The following SOX5 variants were observed in gnomAD, a reference collection of about 807,000 sequenced individuals.
SOX5 encodes the protein transcription factor SOX-5.
A neutral mutation model predicts 92.0 loss-of-function variants in SOX5; 9 were observed. The observed-to-expected ratio is 0.10, with a 90% confidence interval of 0.06 to 0.17. The LOEUF is 0.17. Among genes scored for constraint, SOX5 ranks in the 10% least tolerant of loss-of-function variants. The pLI is 1.00. For missense variants in SOX5, 642 were observed against 944.5 expected, an observed-to-expected ratio of 0.68 and a Z score of 4.20; for synonymous variants, 344 against 336.3, an observed-to-expected ratio of 1.02 and a Z score of -0.25.
intron 3 of SOX5, among the ~76,000 whole-genome samples, chr12:23,817,484 T>C (rs566397967): frequency 3.9e-5 from 6 of 152,284 alleles, no homozygotes; most frequent in African/African-American, 1.4e-4. Context: ...TAAGCAGAAA[T>C]GAATAGTTTG....
At chr12:24,327,277 A>AG (rs1490440127) in intron 2 of SOX5, among the ~76,000 whole-genome samples, 1 of 151,012 alleles carries the variant, frequency 6.6e-6, no homozygotes, top group African/African-American at 2.4e-5. Flanking sequence ...TCTTGTATTG[A>AG]GTTATCCCAG....
chr12:23,973,366 G>A (rs762465551), intron 4 of SOX5, among the ~76,000 whole-genome samples: 5 of 151,790 alleles, frequency 3.3e-5, no homozygotes, highest in East Asian at 1.9e-4. Flanking sequence ...TCACCATGCC[G>A]GTCAGGCTGG....
At chr12:24,559,261 C>G (rs1954107853) in intron 1 of SOX5, among the ~76,000 whole-genome samples, 1 of 152,162 alleles carries the variant, frequency 6.6e-6, no homozygotes, top group East Asian at 1.9e-4. Context: ...TTCCAGGTTA[C>G]TCTCAAAACT....
intron 3 of SOX5, among the ~76,000 whole-genome samples, chr12:24,260,678 G>C (rs1941960502): frequency 6.6e-6 from 1 of 152,088 alleles, no homozygotes; most frequent in Non-Finnish European, 1.5e-5. Context: ...GTTGTGAAGA[G>C]GTTTTCTGCA....
chr12:24,240,401 T>C (rs1965345750), intron 3 of SOX5, among the ~76,000 whole-genome samples: 2 of 152,204 alleles, frequency 1.3e-5, no homozygotes, highest in Non-Finnish European at 2.9e-5. Context: ...AAACCACATT[T>C]CCCAAAACAA....
intron 2 of SOX5, among the ~76,000 whole-genome samples, chr12:24,283,762 G>A (rs1447668070): frequency 6.6e-6 from 1 of 152,078 alleles, no homozygotes; most frequent in Non-Finnish European, 1.5e-5. Flanking sequence ...AAAAGCTTGG[G>A]TATGTTTTTT....
intron 6 of SOX5, among the ~76,000 whole-genome samples, chr12:23,720,756 C>A (rs760450329): frequency 9.2e-5 from 14 of 152,158 alleles, no homozygotes; most frequent in Non-Finnish European, 1.8e-4. Context: ...GTGTCATTTA[C>A]AATTTTTATA....
chr12:23,535,528 G>A (rs1940180321), intron 14 of SOX5, among the ~76,000 whole-genome samples: 1 of 152,180 alleles, frequency 6.6e-6, no homozygotes, highest in Non-Finnish European at 1.5e-5. Flanking sequence ...TGGTCCTATT[G>A]GAAAGGATGA....
At chr12:23,887,614 C>A (rs1220240722) in intron 2 of SOX5, among the ~76,000 whole-genome samples, 1 of 152,094 alleles carries the variant, frequency 6.6e-6, no homozygotes, top group Non-Finnish European at 1.5e-5. Context: ...AGTATTTCAT[C>A]ATTCTCTCCA....
intron 3 of SOX5, among the ~76,000 whole-genome samples, chr12:23,804,945 ATATATATATATATATATATATATT>A (rs1171620567): frequency 1.3e-4 from 4 of 30,004 alleles, no homozygotes; most frequent in Non-Finnish European, 2.4e-4. Context: ...ATATATATAT[ATATATATATATATATATATATATT>A]CCTTTAAAAA....
rs936103946 is a variant in SOX5 at position 23,533,048 on chromosome 12, A to C, written c.*1171T>G. 2.7e-6 allele frequency: 1 copy of C among 376,400 alleles called. No individual in the cohort carries two copies. The highest frequency in any genetic ancestry group is 2.1e-5 in the African/African-American group (1 of 48,246). The allele number at this position is 376,400 out of a possible 1,614,324, so 23.3% of individuals were successfully genotyped here. On this transcript the variant is annotated 3_prime_UTR_variant, in exon 15 of 15. Coordinates refer to ENST00000451604, the MANE Select transcript of SOX5 (RefSeq NM_006940.6). Reference sequence around the variant, plus strand: ...CACCTCTATTACACAGGGCCACCTGATCCATCCAATAATAATCAGACATTT... The same window carrying C: ...CACCTCTATTACACAGGGCCACCTGCTCCATCCAATAATAATCAGACATTT...
At chr12:23,772,042 C>A (rs899772479) in intron 3 of SOX5, among the ~76,000 whole-genome samples, 1 of 152,194 alleles carries the variant, frequency 6.6e-6, no homozygotes, top group East Asian at 1.9e-4. Context: ...TGAAATTTCT[C>A]CCAGCATATT....
At chr12:24,189,734 CTTCT>C (rs752936507) in intron 4 of SOX5, among the ~76,000 whole-genome samples, 13 of 152,160 alleles carry the variant, frequency 8.5e-5, no homozygotes, top group Non-Finnish European at 1.5e-4. Flanking sequence ...CATATTGTGT[CTTCT>C]TTCTCATTGG....
At chr12:24,547,342 C>T (rs1952733547) in intron 1 of SOX5, among the ~76,000 whole-genome samples, 1 of 151,564 alleles carries the variant, frequency 6.6e-6, no homozygotes, top group Non-Finnish European at 1.5e-5. Context: ...CAGGCGCCCG[C>T]CACCGCGCCC....
At chr12:23,562,073 C>A (rs994994709) in intron 11 of SOX5, among the ~76,000 whole-genome samples, 3 of 152,016 alleles carry the variant, frequency 2.0e-5, no homozygotes, top group East Asian at 1.9e-4. Flanking sequence ...GCTATCATTC[C>A]TTCTTAGAAC....
At chr12:24,131,249 G>A (rs1330536750) in intron 4 of SOX5, among the ~76,000 whole-genome samples, 1 of 152,172 alleles carries the variant, frequency 6.6e-6, no homozygotes, top group Non-Finnish European at 1.5e-5. Flanking sequence ...GGATCTACAT[G>A]CTAATTGTAC....
At chr12:24,447,871 G>A (rs1175793030) in intron 1 of SOX5, among the ~76,000 whole-genome samples, 4 of 152,116 alleles carry the variant, frequency 2.6e-5, no homozygotes, top group Admixed American at 6.6e-5. Flanking sequence ...TGCTTGGAGA[G>A]GGATGCGGAC....
intron 1 of SOX5, among the ~76,000 whole-genome samples, chr12:24,392,899 T>A (rs1959143362): frequency 6.6e-6 from 1 of 152,066 alleles, no homozygotes; most frequent in East Asian, 1.9e-4. Context: ...GGGGACAGAT[T>A]CGGCAAGTCT....
intron 4 of SOX5, among the ~76,000 whole-genome samples, chr12:24,101,022 T>TTACTTCCTATCAGGG (rs1367569955): frequency 1.8e-4 from 28 of 152,134 alleles, no homozygotes; most frequent in Non-Finnish European, 3.7e-4. Context: ...ATCAGGGCCT[T>TTACTTCCTATCAGGG]CCATTTTTAC....
Sources: allele counts gnomAD v4.1 joint callset (sites outside exome capture counted in the v4.1 genomes callset), GRCh38; gene constraint gnomAD v4.1.1; transcripts MANE v1.5; gene names NCBI Gene and HGNC (gene_info 2026-07-23, HGNC 2026-07-21).